The following CALN1 variants were observed in gnomAD, a reference collection of about 807,000 sequenced individuals.
CALN1 encodes the protein calneuron 1, also known as calcium-binding protein 8.
In CALN1, 17 loss-of-function variants were observed where a neutral mutation model predicts 30.6. The ratio of observed to expected loss-of-function variants is 0.56; its 90% CI spans 0.38 to 0.83. The LOEUF (loss-of-function observed/expected upper bound fraction) is 0.83, where lower values mean the gene tolerates loss of function less well. Among genes scored for constraint, CALN1 ranks in the 40% least tolerant of loss-of-function variants. The pLI, the probability that CALN1 is intolerant of heterozygous loss-of-function variation, is 0.00. For missense variants in CALN1, 291 were observed against 354.9 expected (o/e 0.82, Z 1.45); for synonymous variants, 156 against 131.4 (o/e 1.19, Z -1.28).
At chr7:72,352,262 GC>G (rs1489859906) in intron 2 of CALN1, among the ~76,000 whole-genome samples, 1 of 152,008 alleles carries the variant, frequency 6.6e-6, no homozygotes, top group Non-Finnish European at 1.5e-5. Flanking sequence ...GGTGGCACAT[GC>G]CTGTAGTCCC....
At chr7:72,334,971 C>T (rs1158004599) in intron 2 of CALN1, among the ~76,000 whole-genome samples, 1 of 152,186 alleles carries the variant, frequency 6.6e-6, no homozygotes, top group East Asian at 1.9e-4. Flanking sequence ...ATCCTTGGGG[C>T]TTTGGTAGAA....
At chr7:72,277,987 A>C (rs1175204381) in intron 3 of CALN1, among the ~76,000 whole-genome samples, 1 of 129,946 alleles carries the variant, frequency 7.7e-6, no homozygotes, top group Non-Finnish European at 1.6e-5. Context: ...CATCAGGCCA[A>C]ATCAACCTAA....
At chr7:72,362,072 T>C (rs1407585605) in intron 2 of CALN1, among the ~76,000 whole-genome samples, 2 of 152,216 alleles carry the variant, frequency 1.3e-5, no homozygotes, top group Non-Finnish European at 2.9e-5. Context: ...GTAACCATAG[T>C]GCCATTTCTT....
intron 4 of CALN1, among the ~76,000 whole-genome samples, chr7:72,063,715 G>A (rs1047215069): frequency 6.6e-6 from 1 of 152,140 alleles, no homozygotes; most frequent in Admixed American, 6.5e-5. Context: ...AATCAGAAAT[G>A]CTAAACAATC....
intron 2 of CALN1, among the ~76,000 whole-genome samples, chr7:72,392,981 C>T (rs1585646630): frequency 1.3e-5 from 2 of 152,086 alleles, no homozygotes; most frequent in South Asian, 4.2e-4. Flanking sequence ...CTGGGCAACA[C>T]AGCAAGACTC....
chr7:72,094,058 C>T (rs1806051912), intron 4 of CALN1, among the ~76,000 whole-genome samples: 1 of 152,154 alleles, frequency 6.6e-6, no homozygotes, highest in Non-Finnish European at 1.5e-5. Context: ...TCTTCAAGGT[C>T]TACCCCTACC....
intron 4 of CALN1, among the ~76,000 whole-genome samples, chr7:72,039,310 G>A (rs1413256954): frequency 3.9e-5 from 6 of 152,178 alleles, no homozygotes; most frequent in African/African-American, 9.7e-5. Flanking sequence ...TGTAGGTGGC[G>A]TGTTGGATGA....
chr7:72,410,072 A>T (rs1401907693), intron 1 of CALN1, among the ~76,000 whole-genome samples: 1 of 152,194 alleles, frequency 6.6e-6, no homozygotes, highest in Non-Finnish European at 1.5e-5. Context: ...AAAATGTTCC[A>T]TTGTGCGGGT....
At chr7:71,983,533 T>C (rs1798508670) in intron 5 of CALN1, among the ~76,000 whole-genome samples, 1 of 104,810 alleles carries the variant, frequency 9.5e-6, no homozygotes, top group East Asian at 4.9e-4. Flanking sequence ...ATTGGATGCT[T>C]TTTTTTTCTT....
At chr7:71,837,030 G>C (rs1054741665) in intron 5 of CALN1, among the ~76,000 whole-genome samples, 1 of 151,282 alleles carries the variant, frequency 6.6e-6, no homozygotes, top group African/African-American at 2.4e-5. Flanking sequence ...TCAGGAGTTC[G>C]AGTTCCGCCT....
the CALN1 span, among the ~76,000 whole-genome samples, chr7:72,453,897 G>C: frequency 6.6e-6 from 1 of 151,954 alleles, no homozygotes; most frequent in Non-Finnish European, 1.5e-5. Context: ...GCACATCCTT[G>C]TATTACGTAT....
chr7:72,406,339 C>A (rs942630098), intron 1 of CALN1, among the ~76,000 whole-genome samples: 1 of 152,178 alleles, frequency 6.6e-6, no homozygotes, highest in Admixed American at 6.5e-5. Flanking sequence ...CTCCAAGACA[C>A]AGGCACCTCC....
chr7:72,205,555 T>TATATATACATATATACAC (rs1791787175), intron 3 of CALN1, among the ~76,000 whole-genome samples: 1 of 107,940 alleles, frequency 9.3e-6, no homozygotes, highest in African/African-American at 4.7e-5. Flanking sequence ...AAAAAAAATA[T>TATATATACATATATACAC]ATATATATAT....
At chr7:72,275,681 C>T (rs1306684308) in intron 3 of CALN1, among the ~76,000 whole-genome samples, 1 of 152,172 alleles carries the variant, frequency 6.6e-6, no homozygotes, top group Non-Finnish European at 1.5e-5. Flanking sequence ...AATAAACTAC[C>T]CCAAGGCTGC....
intron 2 of CALN1, among the ~76,000 whole-genome samples, chr7:72,335,817 G>A (rs1801986760): frequency 6.6e-6 from 1 of 152,154 alleles, no homozygotes; most frequent in Non-Finnish European, 1.5e-5. Flanking sequence ...GATCCCCTCG[G>A]TGCACGCTCT....
At chr7:71,903,081 T>C (rs1240426160) in intron 5 of CALN1, among the ~76,000 whole-genome samples, 2 of 151,898 alleles carry the variant, frequency 1.3e-5, no homozygotes, top group Non-Finnish European at 2.9e-5. Context: ...AAAAAATTAC[T>C]TAACGGGTAC....
intron 2 of CALN1, among the ~76,000 whole-genome samples, chr7:72,321,636 T>C (rs942665842): frequency 4.6e-5 from 7 of 152,210 alleles, no homozygotes; most frequent in Non-Finnish European, 8.8e-5. Context: ...ATTAAGCTTC[T>C]GTGTAGTTAA....
chr7:72,422,460 C>A (rs1807644864), intron 1 of CALN1, among the ~76,000 whole-genome samples: 1 of 152,206 alleles, frequency 6.6e-6, no homozygotes, highest in Admixed American at 6.5e-5. Flanking sequence ...GCAGCAGCAG[C>A]TGATAAAGTT....
the CALN1 span, among the ~76,000 whole-genome samples, chr7:72,496,276 C>T: frequency 4.5e-3 from 688 of 152,212 alleles, 4 homozygotes; most frequent in African/African-American, 0.016. Flanking sequence ...TTGTTAAGAC[C>T]TCCAGTATAA....
Sources: gnomAD v4.1 joint callset for allele counts (sites outside exome capture counted in the v4.1 genomes callset) on GRCh38, gnomAD v4.1.1 for gene constraint, MANE v1.5 for transcripts, NCBI Gene and HGNC (gene_info 2026-07-23, HGNC 2026-07-21) for gene names.